Variants in C5orf22 observed in about 807,000 individuals in gnomAD.
The protein encoded by C5orf22 is UPF0489 protein C5orf22.
C5orf22 carries 36 observed loss-of-function variants against 48.7 expected under a neutral mutation model. The observed-to-expected ratio is 0.74, with a 90% CI of 0.57 to 0.98. C5orf22 has a LOEUF of 0.98. C5orf22 is among the 50% of genes least tolerant of loss of function. The pLI, the probability that C5orf22 is intolerant of heterozygous loss-of-function variation, is 0.00. For missense variants in C5orf22, 486 were observed against 521.9 expected (o/e 0.93, Z 0.67); for synonymous variants, 141 against 180.8 (o/e 0.78, Z 1.76).
intron 7 of C5orf22, among the ~76,000 whole-genome samples, chr5:31,546,962 C>T (rs1742923405): frequency 6.6e-6 from 1 of 152,206 alleles, no homozygotes; most frequent in Non-Finnish European, 1.5e-5. Flanking sequence ...TAACTTATTT[C>T]AGCATTAACT....
rs1474352143 is a variant in C5orf22 at position 31,532,324 on chromosome 5, G to C, written c.-69G>C. 3.2e-6 allele frequency: 5 copies of C among 1,540,722 alleles called. No homozygotes were observed. In the East Asian group the frequency reaches 6.8e-5, roughly 21 times the overall value. On this transcript the variant is annotated 5_prime_UTR_variant, in exon 1 of 9. The change abolishes an upstream ATG in the 5' untranslated region. Transcript: ENST00000325366. Reference sequence around the variant, plus strand: ...CCGCCCGGAGAGAGCTGGCCGGGATGAGGCGCCGGCTTTCCCGGGTCTTCT... The same window carrying C: ...CCGCCCGGAGAGAGCTGGCCGGGATCAGGCGCCGGCTTTCCCGGGTCTTCT...
rs1554054742 is a variant in C5orf22 at position 31,553,161 on chromosome 5, T to TTTTG, written c.*277_*280dup. The TTTTG allele has an allele frequency of 1.0e-4, 25 of 249,514 alleles. No individual in the cohort carries two copies. Among genetic ancestry groups the TTTTG allele is most frequent in the South Asian group, 3.4e-4 (5 of 14,770 alleles). The allele number at this position is 249,514 out of a possible 1,614,324, so 15.5% of individuals were successfully genotyped here. A position where few individuals can be genotyped will look rare whatever the true frequency, so the allele number is the denominator to read the frequency against. ...GTATTTTTTAGGGTTTTGTTTTTTT[T>TTTTG]TTTGTTTGTTTGTTTGTTTGTCTTC... On this transcript the variant is annotated 3_prime_UTR_variant, in exon 9 of 9. Transcript: ENST00000325366.
At chr5:31,543,778 T>C (rs1050125930) in intron 6 of C5orf22, among the ~76,000 whole-genome samples, 3 of 152,122 alleles carry the variant, frequency 2.0e-5, no homozygotes, top group Non-Finnish European at 4.4e-5. Flanking sequence ...AACAACAAAA[T>C]AGGCCTGGAA....
Position 31,538,632 on chromosome 5 carries a change from A to G in C5orf22, c.750A>G (p.Leu250=), listed in dbSNP as rs768597383. 2 of 1,613,968 alleles carry G rather than the reference A, an allele frequency of 1.2e-6. No individual in the cohort carries two copies. The highest frequency in any genetic ancestry group is 8.5e-7 in the Non-Finnish European group (1 of 1,179,910). ...EILKKGKAFV[L]DIDLDFFSVK... ...TGAAGAAAGGGAAGGCATTTGTTTTAGATATTGACTTGGATTTTTTTTCAG... is the reference window on the plus strand; with the variant it reads ...TGAAGAAAGGGAAGGCATTTGTTTTGGATATTGACTTGGATTTTTTTTCAG... The change falls in exon 4 of 9, where the codon TTA becomes TTG. Residue 250 remains leucine, a synonymous_variant. Coordinates refer to ENST00000325366, the MANE Select transcript of C5orf22 (RefSeq NM_018356.3).
chr5:31,536,997 CG>C (rs1178594503), intron 3 of C5orf22, among the ~76,000 whole-genome samples: 3 of 151,946 alleles, frequency 2.0e-5, no homozygotes, highest in Admixed American at 6.6e-5. Flanking sequence ...ATAATCTTGT[CG>C]TTTGCACAAA....
intron 6 of C5orf22, among the ~76,000 whole-genome samples, chr5:31,544,544 A>G (rs1288982117): frequency 6.6e-6 from 1 of 152,004 alleles, no homozygotes; most frequent in Non-Finnish European, 1.5e-5. Flanking sequence ...AGATCGTGCC[A>G]CTGCACTCCA....
chr5:31,541,448 G>A, intron 6 of C5orf22, 46 bp downstream of exon 6: 1 of 1,591,512 alleles, frequency 6.3e-7, no homozygotes, highest in Non-Finnish European at 8.6e-7. Context: ...CTAACTTTCA[G>A]TCCTAGATAT....
chr5:31,544,055 G>C (rs945005669), intron 6 of C5orf22, among the ~76,000 whole-genome samples: 1 of 152,140 alleles, frequency 6.6e-6, no homozygotes. Context: ...TGGAGGCTTC[G>C]CTATGTCTAG....
Position 31,538,501 on chromosome 5 carries a change from G to A in C5orf22, c.619G>A (p.Ala207Thr), listed in dbSNP as rs1460979052. ...TTCAGAAGGACTGGAAAAGGACACA[G>A]CAACACAGAGAAGTGACCAGACTTG... The part of the protein sequence containing the change: ...SSSEGLEKDT[A>T]TQRSDQTCLE... The change falls in exon 4 of 9, where the codon GCA becomes ACA. Residue 207 changes from alanine (A) to threonine (T), a missense_variant. Physicochemically the swap from Ala to Thr is moderately conservative, Grantham distance 58. Transcript: ENST00000325366. 3.1e-6 allele frequency: 5 copies of A among 1,614,032 alleles called. No individual in the cohort carries two copies. Among genetic ancestry groups the A allele is most frequent in the Admixed American group, 3.3e-5 (2 of 59,994 alleles).
chr5:31,551,416 C>G lies in C5orf22; in HGVS notation c.1183C>G (p.Leu395Val), dbSNP rs763532390. ...YLLKNLPNPT[L>V]VTIARSSLDD... ...GCTGAAAAATTTACCAAATCCTACT[C>G]TTGTGACAATTGCAAGGTAAGTGTG... is the stretch of plus-strand genomic sequence containing the variant. Residue 395 changes from leucine to valine, a missense_variant, in exon 8 of 9, where the codon CTT becomes GTT. Transcript: ENST00000325366. 3 of 1,611,308 alleles carry G rather than the reference C, an allele frequency of 1.9e-6. No individual in the cohort carries two copies. In the Admixed American group the frequency reaches 5.1e-5, roughly 27 times the overall value.
rs750773413 is a variant in C5orf22 at position 31,532,463 on chromosome 5, A to T, written c.71A>T (p.Asp24Val). 8 of 1,613,638 alleles carry T rather than the reference A, an allele frequency of 5.0e-6. No individual in the cohort carries two copies. In the South Asian group the frequency reaches 8.8e-5, roughly 18 times the overall value. ...YPKLPVWVVE[D>V]HQEVLPFIYR... ...AAGCTCCCAGTGTGGGTGGTGGAGG[A>T]TCATCAGGAGGTGAGCGGACGGCAA... The change falls in exon 1 of 9, where the codon GAT becomes GTT. Residue 24 changes from aspartate to valine, a missense_variant. Around this residue, in one of 3 missense-constraint regions of C5orf22, gnomAD observed 74 missense variants for 61.2 expected, o/e 1.21. Transcript: ENST00000325366.
intron 6 of C5orf22, among the ~76,000 whole-genome samples, chr5:31,542,829 A>G (rs913661796): frequency 1.3e-5 from 2 of 152,236 alleles, no homozygotes; most frequent in African/African-American, 4.8e-5. Context: ...TTTAAAACTA[A>G]TCTCCCACGA....
At chr5:31,536,215 T>C (rs931264416) in intron 3 of C5orf22, among the ~76,000 whole-genome samples, 3 of 152,208 alleles carry the variant, frequency 2.0e-5, no homozygotes, top group African/African-American at 7.2e-5. Context: ...TACTGTTTCC[T>C]GTCAGTATAA....
rs114188206 is a variant in C5orf22 at position 31,546,788 on chromosome 5, T to C, written c.1059+1076T>C. On this transcript the variant is annotated intron_variant, in intron 7 of 8. Transcript: ENST00000325366. ...ACCCCTACAATTCAATCACCTCCCA[T>C]CGGCTTCCTCCCACTACATGTGGGA... 1.8e-3 allele frequency among the ~76,000 whole-genome samples: 273 copies of C among 152,222 alleles called. 2 individuals carry two copies. The highest frequency in any genetic ancestry group is 6.3e-3 in the African/African-American group (263 of 41,532).
intron 6 of C5orf22, among the ~76,000 whole-genome samples, chr5:31,544,974 A>ATT (rs11335471): frequency 7.0e-6 from 1 of 142,572 alleles, no homozygotes; most frequent in Admixed American, 7.0e-5. Flanking sequence ...CGTGTCCTTA[A>ATT]TTTTTTTTTT....
intron 8 of C5orf22, 47 bp downstream of exon 8, chr5:31,551,479 C>T (rs1743264354): frequency 7.0e-7 from 1 of 1,419,896 alleles, no homozygotes; most frequent in Non-Finnish European, 9.8e-7. Context: ...TGTGCACATC[C>T]TAATCTCTGG....
intron 6 of C5orf22, 31 bp downstream of exon 6, chr5:31,541,433 C>T (rs1742462834): frequency 1.2e-6 from 2 of 1,608,354 alleles, no homozygotes; most frequent in Admixed American, 1.7e-5. Flanking sequence ...TTTCCCCCAA[C>T]TCTACTAACT....
chr5:31,552,641 C>G, intron 8 of C5orf22, 132 bp from the exon 9 acceptor site: 3 of 703,304 alleles, frequency 4.3e-6, no homozygotes, highest in Non-Finnish European at 6.9e-6. Context: ...CACTAGCTTT[C>G]AATTGATATT....
At position 31,553,640 on chromosome 5, in the gene C5orf22, C is replaced by A. The variant is rs1003067096; in HGVS notation, c.*738C>A. On this transcript the variant is annotated 3_prime_UTR_variant, in exon 9 of 9. Coordinates refer to ENST00000325366, the MANE Select transcript of C5orf22 (RefSeq NM_018356.3). ...TTCTCAAAAGCTACTACCAAAAAAA[C>A]CCCACAAATTTGCCAATCCATGAAA... 1 of 152,006 alleles carries A rather than the reference C, an allele frequency of 6.6e-6. No homozygotes were observed. Among genetic ancestry groups the A allele is most frequent in the Non-Finnish European group, 1.5e-5 (1 of 68,014 alleles). 9.4% of individuals were successfully genotyped at this position (152,006 alleles called of 1,614,324 possible). A position where few individuals can be genotyped will look rare whatever the true frequency, so the allele number is the denominator to read the frequency against.
Sources: gnomAD v4.1 joint callset for allele counts (sites outside exome capture counted in the v4.1 genomes callset) on GRCh38, gnomAD v4.1.1 for gene constraint, gnomAD v4.1.1 regional missense constraint, MANE v1.5 for transcripts, NCBI Gene and HGNC (gene_info 2026-07-23, HGNC 2026-07-21) for gene names.